The following SDCCAG8 variants were observed in gnomAD, a reference collection of about 807,000 sequenced individuals.
The protein encoded by SDCCAG8 is serologically defined colon cancer antigen 8.
SDCCAG8 carries 74 observed loss-of-function variants against 101.8 expected under a neutral mutation model. The observed-to-expected ratio is 0.73, with a 90% confidence interval of 0.60 to 0.88. The LOEUF is 0.88. Among genes scored for constraint, SDCCAG8 ranks in the 40% least tolerant of loss-of-function variants. The pLI, the probability that SDCCAG8 is intolerant of heterozygous loss-of-function variation, is 0.00. For missense variants in SDCCAG8, 787 were observed against 822.6 expected (o/e 0.96, Z 0.53); for synonymous variants, 281 against 292.9 (o/e 0.96, Z 0.41).
intron 13 of SDCCAG8, among the ~76,000 whole-genome samples, chr1:243,393,411 G>A (rs1304579424): frequency 6.6e-6 from 1 of 151,992 alleles, no homozygotes; most frequent in Non-Finnish European, 1.5e-5. Context: ...CGGGGTAGCC[G>A]AGTGCCATGA....
intron 13 of SDCCAG8, among the ~76,000 whole-genome samples, chr1:243,385,236 A>C (rs930806208): frequency 1.3e-5 from 2 of 151,948 alleles, no homozygotes; most frequent in African/African-American, 4.8e-5. Context: ...CAAAAAATAC[A>C]AACATTAGCT....
At chr1:243,497,428 C>T (rs768814010) in intron 17 of SDCCAG8, among the ~76,000 whole-genome samples, 1 of 150,938 alleles carries the variant, frequency 6.6e-6, no homozygotes, top group Non-Finnish European at 1.5e-5. Flanking sequence ...GCAGGAAATA[C>T]AAAGCCCATA....
intron 4 of SDCCAG8, among the ~76,000 whole-genome samples, chr1:243,276,530 T>TA (rs2068587766): frequency 6.6e-6 from 1 of 152,222 alleles, no homozygotes; most frequent in South Asian, 2.1e-4. Flanking sequence ...GGCAAACACA[T>TA]AGAGTCCTGT....
rs538311554 is a variant in SDCCAG8, at chr1:243,474,128, G to T, written c.1986-14886G>T. On this transcript the variant is annotated intron_variant, in intron 16 of 17. Transcript: ENST00000366541. The surrounding 1 kb of genome is among the most constrained non-coding windows in gnomAD (Gnocchi z 4.7). ...ATCACTGACAAACAATGATTCATTG[G>T]TTTACAAATAAGGAATTAAAAGGTA... 3.3e-5 allele frequency among the ~76,000 whole-genome samples: 5 copies of T among 152,126 alleles called. No individual in the cohort carries two copies. Among genetic ancestry groups the T allele is most frequent in the Admixed American group, 2.6e-4 (4 of 15,272 alleles).
chr1:243,495,428 T>C (rs554071601), intron 17 of SDCCAG8, among the ~76,000 whole-genome samples: 1 of 152,340 alleles, frequency 6.6e-6, no homozygotes, highest in African/African-American at 2.4e-5. Flanking sequence ...GAAGGAGGGC[T>C]TTGAACTCTG....
chr1:243,429,628 A>G (rs955294433), intron 16 of SDCCAG8, among the ~76,000 whole-genome samples: 1 of 151,456 alleles, frequency 6.6e-6, no homozygotes, highest in Non-Finnish European at 1.5e-5. Flanking sequence ...TCCTGGGCTC[A>G]AGTGATCCTC....
intron 10 of SDCCAG8, among the ~76,000 whole-genome samples, chr1:243,336,519 G>A (rs1035060576): frequency 6.6e-6 from 1 of 152,194 alleles, no homozygotes; most frequent in Non-Finnish European, 1.5e-5. Context: ...AGTCATGGTG[G>A]AAGGGAAGCA....
At chr1:243,356,813 C>G (rs2076411386) in intron 12 of SDCCAG8, among the ~76,000 whole-genome samples, 1 of 151,550 alleles carries the variant, frequency 6.6e-6, no homozygotes, top group South Asian at 2.1e-4. Flanking sequence ...GGTGTGACCC[C>G]ATCTCTACAA....
intron 15 of SDCCAG8, among the ~76,000 whole-genome samples, chr1:243,425,702 C>A (rs1237078652): frequency 6.6e-6 from 1 of 152,114 alleles, no homozygotes; most frequent in Non-Finnish European, 1.5e-5. Context: ...TATAATTTTT[C>A]TTGGATAAAC....
At chr1:243,294,456 C>T (rs1259444554) in intron 6 of SDCCAG8, among the ~76,000 whole-genome samples, 4 of 85,074 alleles carry the variant, frequency 4.7e-5, no homozygotes, top group Admixed American at 1.5e-4. Context: ...CAAACACCCT[C>T]CACTCCCCCC....
intron 9 of SDCCAG8, among the ~76,000 whole-genome samples, chr1:243,327,437 T>TTTATAATTTTGTAGAAATTAAAATTATAA (rs1558300506): frequency 2.1e-4 from 30 of 144,348 alleles, no homozygotes; most frequent in East Asian, 3.9e-4. Context: ...AAAATTATAA[T>TTTATAATTTTGTAGAAATTAAAATTATAA]TTATAATTTT....
At chr1:243,485,062 A>AGAG (rs1664528361) in intron 16 of SDCCAG8, among the ~76,000 whole-genome samples, 1 of 151,334 alleles carries the variant, frequency 6.6e-6, no homozygotes, top group African/African-American at 2.4e-5. Context: ...AAAAAGAAGA[A>AGAG]GAAGCAGAAG....
intron 8 of SDCCAG8, among the ~76,000 whole-genome samples, chr1:243,312,735 G>T (rs1013851016): frequency 1.4e-5 from 2 of 146,446 alleles, no homozygotes; most frequent in Non-Finnish European, 3.0e-5. Context: ...ATAATGGCTT[G>T]TACAGTTGAC....
intron 5 of SDCCAG8, among the ~76,000 whole-genome samples, chr1:243,292,843 G>C (rs1258439495): frequency 6.6e-6 from 1 of 152,140 alleles, no homozygotes; most frequent in African/African-American, 2.4e-5. Context: ...TCCATTTGTT[G>C]AATGCGCTGA....
intron 4 of SDCCAG8, among the ~76,000 whole-genome samples, chr1:243,275,911 T>C (rs2068525151): frequency 7.4e-6 from 1 of 135,180 alleles, no homozygotes; most frequent in Non-Finnish European, 1.5e-5. Flanking sequence ...GTCGCCAGAC[T>C]GGAGTGCGGT....
intron 11 of SDCCAG8, 48 bp from the exon 12 acceptor site, chr1:243,344,167 C>A: frequency 6.8e-7 from 1 of 1,471,236 alleles, no homozygotes; most frequent in Non-Finnish European, 9.5e-7. Context: ...GCAGGCATTG[C>A]CTGGTAGATT....
At chr1:243,278,822 G>A (rs2068788015) in intron 4 of SDCCAG8, among the ~76,000 whole-genome samples, 1 of 151,908 alleles carries the variant, frequency 6.6e-6, no homozygotes, top group Admixed American at 6.6e-5. Flanking sequence ...TTGCTGGAGT[G>A]CACAGGCTGG....
intron 16 of SDCCAG8, among the ~76,000 whole-genome samples, chr1:243,430,026 G>T (rs1423249438): frequency 6.6e-6 from 1 of 151,918 alleles, no homozygotes; most frequent in Non-Finnish European, 1.5e-5. Context: ...TGGGTACTAG[G>T]TCTTGCTATG....
At chr1:243,369,231 G>A (rs2147876271) in intron 12 of SDCCAG8, among the ~76,000 whole-genome samples, 1 of 152,222 alleles carries the variant, frequency 6.6e-6, no homozygotes, top group South Asian at 2.1e-4. Context: ...ATCAAATGGG[G>A]AGTCGATAAA....
Sources: gnomAD v4.1 joint callset for allele counts (sites outside exome capture counted in the v4.1 genomes callset) on GRCh38, gnomAD v4.1.1 for gene constraint, Gnocchi (gnomAD v3.1) non-coding constraint, MANE v1.5 for transcripts, NCBI Gene and HGNC (gene_info 2026-07-23, HGNC 2026-07-21) for gene names.